The following LRP1B variants were observed in gnomAD, a reference collection of about 807,000 sequenced individuals.
LRP1B encodes the protein LDL receptor related protein 1B.
Under a neutral mutation model 556.6 loss-of-function variants are expected in LRP1B, and 217 were observed. The ratio of observed to expected loss-of-function variants is 0.39; its 90% confidence interval spans 0.35 to 0.44. The LOEUF (loss-of-function observed/expected upper bound fraction) is 0.44. Ranked by LOEUF, LRP1B falls within the 20% of genes least tolerant of loss-of-function variation. The pLI, the probability that LRP1B is intolerant of heterozygous loss-of-function variation, is 1.00. For missense variants in LRP1B, 5,053 were observed against 5,620.8 expected (o/e 0.90, Z 3.23); for synonymous variants, 2,047 against 1,865.8 (o/e 1.10, Z -2.50).
chr2:140,636,685 T>C (rs953892880), intron 41 of LRP1B, among the ~76,000 whole-genome samples: 1 of 152,186 alleles, frequency 6.6e-6, no homozygotes, highest in African/African-American at 2.4e-5. Context: ...AGAGTAAAGA[T>C]ACTGGGAATA....
intron 43 of LRP1B, among the ~76,000 whole-genome samples, chr2:140,579,037 G>T (rs1158215614): frequency 6.6e-6 from 1 of 152,026 alleles, no homozygotes; most frequent in Non-Finnish European, 1.5e-5. Context: ...CGAGGAGACG[G>T]AACAGGGGAA....
intron 7 of LRP1B, among the ~76,000 whole-genome samples, chr2:141,121,655 G>A (rs1207201321): frequency 3.3e-5 from 5 of 151,996 alleles, no homozygotes; most frequent in South Asian, 2.1e-4. Context: ...AATCAATATC[G>A]TGAAAATGGC....
chr2:141,796,641 A>G (rs555849234), intron 2 of LRP1B, among the ~76,000 whole-genome samples: 1 of 144,754 alleles, frequency 6.9e-6, no homozygotes, highest in African/African-American at 2.6e-5. Flanking sequence ...ATGCAGAGTC[A>G]TCAATACTCA....
chr2:140,541,916 T>C lies in LRP1B; in HGVS notation c.7250A>G (p.Tyr2417Cys), dbSNP rs774645881. Residue 2417 changes from tyrosine (Y) to cysteine (C), a missense_variant, in exon 44 of 91, where the codon TAT becomes TGT. Coordinates refer to ENST00000389484, the MANE Select transcript of LRP1B (RefSeq NM_018557.3). ...TCTTCCCCAGTCCGACCAGAATATATAATTGTCATAAACAGCCAAACTGAG... is the reference window on the plus strand; with the variant it reads ...TCTTCCCCAGTCCGACCAGAATATACAATTGTCATAAACAGCCAAACTGAG... ...TFLSLAVYDN[Y>C]IFWSDWGRRA... is the part of the protein sequence containing the mutation. 4.3e-6 allele frequency: 7 copies of C among 1,611,944 alleles called. No individual in the cohort carries two copies. The highest frequency in any genetic ancestry group is 1.7e-4 in the Middle Eastern group (1 of 6,044).
chr2:140,795,652 T>C (rs1480777698), intron 32 of LRP1B, among the ~76,000 whole-genome samples: 1 of 152,122 alleles, frequency 6.6e-6, no homozygotes, highest in African/African-American at 2.4e-5. Context: ...TATCTAAATC[T>C]AGGTATATAT....
At chr2:140,408,046 G>A (rs1684820875) in intron 66 of LRP1B, among the ~76,000 whole-genome samples, 1 of 151,986 alleles carries the variant, frequency 6.6e-6, no homozygotes, top group Non-Finnish European at 1.5e-5. Flanking sequence ...GATGGAGCTG[G>A]AGGCCATTAT....
intron 31 of LRP1B, among the ~76,000 whole-genome samples, chr2:140,835,531 T>G (rs1691868779): frequency 6.6e-6 from 1 of 152,172 alleles, no homozygotes; most frequent in Admixed American, 6.5e-5. Flanking sequence ...CTTTTTATTT[T>G]ATTTTTATTT....
intron 53 of LRP1B, among the ~76,000 whole-genome samples, chr2:140,505,604 G>A (rs1361323686): frequency 6.6e-6 from 1 of 152,184 alleles, no homozygotes; most frequent in African/African-American, 2.4e-5. Context: ...GTCTAGCAGA[G>A]GGGAGATATT....
At chr2:141,898,062 G>T (rs1276065592) in intron 1 of LRP1B, among the ~76,000 whole-genome samples, 1 of 152,064 alleles carries the variant, frequency 6.6e-6, no homozygotes, top group Non-Finnish European at 1.5e-5. Flanking sequence ...GTCTTTACAG[G>T]CATTTGGGGT....
chr2:141,005,243 C>G (rs2105373278), intron 15 of LRP1B, 92 bp downstream of exon 15: 1 of 1,381,324 alleles, frequency 7.2e-7, no homozygotes, highest in Admixed American at 2.3e-5. Flanking sequence ...ATTTCTCTTT[C>G]CAAGTGTCAT....
intron 3 of LRP1B, among the ~76,000 whole-genome samples, chr2:141,437,489 T>C (rs2104996451): frequency 6.6e-6 from 1 of 152,162 alleles, no homozygotes; most frequent in South Asian, 2.1e-4. Context: ...CTCAACTATT[T>C]TGAAATTTCT....
chr2:141,844,708 A>ATTTGT (rs1697585858), intron 1 of LRP1B, among the ~76,000 whole-genome samples: 1 of 152,066 alleles, frequency 6.6e-6, no homozygotes, highest in African/African-American at 2.4e-5. Context: ...CAAATATATC[A>ATTTGT]GTTCAGATAT....
chr2:141,496,903 TA>T lies in LRP1B; in HGVS notation c.206-16371del, dbSNP rs758574126. ...AAGTCTGTTTTCTGTGGTTTGTTTT[TA>T]GAAACAGAATTGATAGCATGAAAGT... On this transcript the variant is annotated intron_variant, in intron 2 of 90. Coordinates refer to ENST00000389484, the MANE Select transcript of LRP1B (RefSeq NM_018557.3). 7.9e-5 allele frequency among the ~76,000 whole-genome samples: 12 copies of T among 152,156 alleles called. No homozygotes were observed. The East Asian group carries it at 1.5e-3, about 20-fold the overall frequency.
At chr2:141,960,957 T>A (rs1161031747) in intron 1 of LRP1B, among the ~76,000 whole-genome samples, 3 of 151,732 alleles carry the variant, frequency 2.0e-5, no homozygotes, top group African/African-American at 7.3e-5. Context: ...TCAGCTCAGC[T>A]TTTTTTATTA....
At chr2:141,495,934 C>T (rs1683493377) in intron 2 of LRP1B, among the ~76,000 whole-genome samples, 1 of 151,928 alleles carries the variant, frequency 6.6e-6, no homozygotes, top group East Asian at 1.9e-4. Context: ...TAGAATAGCA[C>T]AGTATTTAAC....
At chr2:140,498,191 T>C (rs1463621665) in intron 55 of LRP1B, among the ~76,000 whole-genome samples, 1 of 151,912 alleles carries the variant, frequency 6.6e-6, no homozygotes, top group African/African-American at 2.4e-5. Context: ...TTCAGCCTCA[T>C]CTTAATTTTT....
chr2:140,744,464 G>A (rs1425821000), intron 35 of LRP1B, among the ~76,000 whole-genome samples: 4 of 152,118 alleles, frequency 2.6e-5, no homozygotes, highest in African/African-American at 9.7e-5. Context: ...CATACATATG[G>A]TCTAAGAAGC....
chr2:140,848,990 A>G (rs1692356686), intron 29 of LRP1B, among the ~76,000 whole-genome samples: 1 of 152,086 alleles, frequency 6.6e-6, no homozygotes, highest in South Asian at 2.1e-4. Flanking sequence ...GGAAATAGGA[A>G]CAGTTTTCCT....
At chr2:141,230,429 C>A (rs1683415310) in intron 5 of LRP1B, among the ~76,000 whole-genome samples, 1 of 152,128 alleles carries the variant, frequency 6.6e-6, no homozygotes, top group Non-Finnish European at 1.5e-5. Context: ...GCCCTTCTCA[C>A]CTTTACAATA....
Sources: gnomAD v4.1 joint callset for allele counts (sites outside exome capture counted in the v4.1 genomes callset) on GRCh38, gnomAD v4.1.1 for gene constraint, MANE v1.5 for transcripts, NCBI Gene and HGNC (gene_info 2026-07-23, HGNC 2026-07-21) for gene names.